IRAK2: variants seen among roughly 807,000 people sequenced by gnomAD.
The protein encoded by IRAK2 is interleukin-1 receptor-associated kinase-like 2.
Under a neutral mutation model 72.0 loss-of-function variants are expected in IRAK2, and 57 were observed. The ratio of observed to expected loss-of-function variants is 0.79; its 90% confidence interval spans 0.64 to 0.99. IRAK2 has a LOEUF of 0.99. Among genes scored for constraint, IRAK2 ranks in the 50% least tolerant of loss-of-function variants. The probability of loss-of-function intolerance (pLI) is 0.00; values close to 1 mark genes in which losing one functional copy is unlikely to be tolerated. For synonymous variants in IRAK2, 293 were observed against 312.7 expected, an observed-to-expected ratio of 0.94 and a Z score of 0.67; for missense variants, 790 against 794.4, an observed-to-expected ratio of 0.99 and a Z score of 0.07.
chr3:10,241,318 G>C (rs375196600), intron 12 of IRAK2, among the ~76,000 whole-genome samples: 132 of 150,342 alleles, frequency 8.8e-4, no homozygotes, highest in African/African-American at 3.0e-3. Flanking sequence ...CTAACACTTT[G>C]GGAGGCTGAG....
chr3:10,221,560 A>AT (rs559223802), intron 8 of IRAK2, among the ~76,000 whole-genome samples: 1 of 148,570 alleles, frequency 6.7e-6, no homozygotes, highest in African/African-American at 2.5e-5. Flanking sequence ...GCCAAAAAAA[A>AT]TTTTTTTTTG....
At chr3:10,174,301 G>T (rs1696840072) in intron 1 of IRAK2, among the ~76,000 whole-genome samples, 1 of 152,084 alleles carries the variant, frequency 6.6e-6, no homozygotes, top group Non-Finnish European at 1.5e-5. Context: ...GTGTGCAGGA[G>T]ACTGTCACCA....
intron 2 of IRAK2, among the ~76,000 whole-genome samples, chr3:10,178,548 G>A (rs1438359938): frequency 6.6e-6 from 1 of 152,076 alleles, no homozygotes; most frequent in Non-Finnish European, 1.5e-5. Context: ...CACAGTATTG[G>A]AGGGAGACTT....
intron 2 of IRAK2, 44 bp from the exon 3 acceptor site, chr3:10,200,325 C>T: frequency 1.3e-6 from 2 of 1,517,022 alleles, no homozygotes; most frequent in South Asian, 1.3e-5. Flanking sequence ...ATGGCTACCC[C>T]ACTTCATGGA....
At chr3:10,205,205 C>T (rs775541992) in intron 3 of IRAK2, among the ~76,000 whole-genome samples, 19 of 152,104 alleles carry the variant, frequency 1.2e-4, no homozygotes, top group Non-Finnish European at 1.9e-4. Context: ...CTTGGACATA[C>T]AGTGGGGGCC....
At chr3:10,178,959 G>T (rs1696919664) in intron 2 of IRAK2, among the ~76,000 whole-genome samples, 1 of 152,084 alleles carries the variant, frequency 6.6e-6, no homozygotes, top group South Asian at 2.1e-4. Flanking sequence ...ATGCCACCAT[G>T]CCTGACTAAT....
intron 3 of IRAK2, among the ~76,000 whole-genome samples, chr3:10,202,604 CAG>C (rs2125152363): frequency 1.3e-5 from 2 of 151,624 alleles, no homozygotes; most frequent in East Asian, 3.9e-4. Flanking sequence ...GCCTGGGTGA[CAG>C]AGTGAGACTC....
At position 10,210,030 on chromosome 3, in the gene IRAK2, C is replaced by T. The variant is rs1451160325; in HGVS notation, c.528+338C>T. ...CGCTTCCCGGGTTCAAGTGATTCTC[C>T]TGCCTCAGCCTCCCAAGTAGCTGGG... On this transcript the variant is annotated intron_variant, in intron 4 of 12. Transcript: ENST00000256458. Among the ~76,000 whole-genome samples the T allele has an allele frequency of 2.6e-5, 4 of 152,202 alleles. No homozygotes were observed. The East Asian group carries it at 7.7e-4, about 29-fold the overall frequency.
At position 10,241,508 on chromosome 3, in the gene IRAK2, G is replaced by A. The variant is rs1408103232; in HGVS notation, c.1766-608G>A. 2.7e-5 allele frequency among the ~76,000 whole-genome samples: 4 copies of A among 150,698 alleles called. No individual in the cohort carries two copies. The East Asian group carries it at 5.9e-4, about 22-fold the overall frequency. On this transcript the variant is annotated intron_variant, in intron 12 of 12. Transcript: ENST00000256458. Reference sequence around the variant, plus strand: ...CAGGAGGCAGAGGTTGCAGTGAGCCGAGATTGAGCCACTGCACTCCAGCCT... The same window carrying A: ...CAGGAGGCAGAGGTTGCAGTGAGCCAAGATTGAGCCACTGCACTCCAGCCT...
intron 2 of IRAK2, among the ~76,000 whole-genome samples, chr3:10,179,189 G>A (rs919348541): frequency 9.9e-5 from 15 of 151,896 alleles, no homozygotes; most frequent in African/African-American, 2.7e-4. Flanking sequence ...CTTTCTAATA[G>A]CTACATTGTA....
Position 10,178,034 on chromosome 3 carries a change from G to T in IRAK2, c.277+14G>T, listed in dbSNP as rs770071746. On this transcript the variant is annotated intron_variant, in intron 2 of 12. Transcript: ENST00000256458. ...TCATCCTGAACTGTGAGTAACTCAG[G>T]GCCCTCCTTGAGTGGGGCCCATCAC... 12 of 1,587,898 alleles carry T rather than the reference G, an allele frequency of 7.6e-6. 1 individual carries two copies. Among genetic ancestry groups the T allele is most frequent in the Middle Eastern group, 2.0e-4 (1 of 5,064 alleles).
chr3:10,185,156 C>T lies in IRAK2; in HGVS notation c.277+7136C>T, dbSNP rs115824510. ...GTATCACCTGGGAACTTGTTAGAAA[C>T]GCAAATTATTGGGCCCCACCTCATC... On this transcript the variant is annotated intron_variant, in intron 2 of 12. Transcript: ENST00000256458. 1.6e-3 allele frequency among the ~76,000 whole-genome samples: 249 copies of T among 151,650 alleles called. 13 individuals carry two copies. The highest frequency in any genetic ancestry group is 5.5e-3 in the African/African-American group (226 of 40,986).
chr3:10,194,055 T>G (rs1032325258), intron 2 of IRAK2, among the ~76,000 whole-genome samples: 1 of 152,270 alleles, frequency 6.6e-6, no homozygotes, highest in African/African-American at 2.4e-5. Context: ...GGGTGGCTGT[T>G]TGCACAGTGT....
chr3:10,181,198 T>G (rs967351318), intron 2 of IRAK2, among the ~76,000 whole-genome samples: 1 of 152,132 alleles, frequency 6.6e-6, no homozygotes, highest in Non-Finnish European at 1.5e-5. Flanking sequence ...TCCCCATTCC[T>G]GGAACCCACC....
intron 4 of IRAK2, 144 bp from the exon 5 acceptor site, chr3:10,213,063 C>G (rs547250691): frequency 1.4e-5 from 10 of 703,780 alleles, no homozygotes; most frequent in Non-Finnish European, 1.9e-5. Flanking sequence ...CCACCGTGCC[C>G]GGCCTATCCA....
At chr3:10,218,274 A>T (rs1316062732) in intron 7 of IRAK2, among the ~76,000 whole-genome samples, 1 of 152,128 alleles carries the variant, frequency 6.6e-6, no homozygotes, top group African/African-American at 2.4e-5. Context: ...AAATATAAGA[A>T]TTAGCCAGGC....
At position 10,181,953 on chromosome 3, in the gene IRAK2, TTTTTTC is replaced by T. The variant is rs1380260662; in HGVS notation, c.277+3944_277+3949del. ...ATTCCTGAGTAAGCATCATTTTCTT[TTTTTTC>T]TTTTTCTTTTCTTTTTTTTTTTTTT... On this transcript the variant is annotated intron_variant, in intron 2 of 12. Coordinates refer to ENST00000256458, the MANE Select transcript of IRAK2 (RefSeq NM_001570.4). 3.1e-4 allele frequency among the ~76,000 whole-genome samples: 47 copies of T among 150,532 alleles called. 2 individuals are homozygous for T. The South Asian group carries it at 9.6e-3, about 31-fold the overall frequency.
chr3:10,224,579 C>G (rs1046875340), intron 9 of IRAK2, among the ~76,000 whole-genome samples: 1 of 150,360 alleles, frequency 6.7e-6, no homozygotes, highest in Non-Finnish European at 1.5e-5. Context: ...ATTGTTATTC[C>G]CACCTTTACA....
At chr3:10,222,036 C>T (rs1220508348) in intron 8 of IRAK2, among the ~76,000 whole-genome samples, 1 of 152,064 alleles carries the variant, frequency 6.6e-6, no homozygotes, top group African/African-American at 2.4e-5. Flanking sequence ...TACAGGCGCA[C>T]ACCACCACGG....
Sources: gnomAD v4.1 joint callset for allele counts (sites outside exome capture counted in the v4.1 genomes callset) on GRCh38, gnomAD v4.1.1 for gene constraint, MANE v1.5 for transcripts, NCBI Gene and HGNC (gene_info 2026-07-23, HGNC 2026-07-21) for gene names.